The following NRXN3 variants were observed in gnomAD, a reference collection of about 807,000 sequenced individuals.
NRXN3 encodes the protein neurexin III.
In NRXN3, 32 loss-of-function variants were observed where a neutral mutation model predicts 137.6. The ratio of observed to expected loss-of-function variants is 0.23; its 90% CI spans 0.18 to 0.31. NRXN3 has a LOEUF of 0.31. Among genes scored for constraint, NRXN3 ranks in the 10% least tolerant of loss-of-function variants. The pLI, the probability that NRXN3 is intolerant of heterozygous loss-of-function variation, is 1.00. For missense variants in NRXN3, 1,574 were observed against 2,062.5 expected, an observed-to-expected ratio of 0.76 and a Z score of 4.59; for synonymous variants, 798 against 784.5, an observed-to-expected ratio of 1.02 and a Z score of -0.29.
chr14:79,792,997 A>G (rs922485395), intron 19 of NRXN3, among the ~76,000 whole-genome samples: 1 of 152,050 alleles, frequency 6.6e-6, no homozygotes, highest in African/African-American at 2.4e-5. Context: ...ATTAGAGAAT[A>G]CTCTCTGGAA....
At chr14:78,637,435 C>G (rs929434381) in intron 4 of NRXN3, among the ~76,000 whole-genome samples, 3 of 152,208 alleles carry the variant, frequency 2.0e-5, no homozygotes, top group Non-Finnish European at 4.4e-5. Flanking sequence ...CCTTACTACA[C>G]TGGTAATTAT....
chr14:79,647,653 G>C (rs185020118), intron 16 of NRXN3, among the ~76,000 whole-genome samples: 1 of 135,410 alleles, frequency 7.4e-6, no homozygotes, highest in African/African-American at 2.5e-5. Flanking sequence ...ACCTCGAGCC[G>C]ACCCATCTCT....
chr14:78,229,668 C>T (rs993517040), intron 1 of NRXN3, among the ~76,000 whole-genome samples: 4 of 152,172 alleles, frequency 2.6e-5, no homozygotes, highest in African/African-American at 7.2e-5. Context: ...TGTCTATGAT[C>T]GACTCTGTGC....
At chr14:79,800,246 GA>G (rs1395904896) in intron 19 of NRXN3, among the ~76,000 whole-genome samples, 1 of 152,198 alleles carries the variant, frequency 6.6e-6, no homozygotes, top group African/African-American at 2.4e-5. Context: ...ACGTAACTAT[GA>G]ATAGAAGAGT....
chr14:79,671,453 A>T (rs763164235), intron 17 of NRXN3, among the ~76,000 whole-genome samples: 1 of 152,064 alleles, frequency 6.6e-6, no homozygotes. Flanking sequence ...TTGGGCATCT[A>T]TACATATTTG....
rs78711064 is a variant in NRXN3 at position 78,876,895 on chromosome 14, C to T, written c.2275+66551C>T. On this transcript the variant is annotated intron_variant, in intron 10 of 20. Transcript: ENST00000335750. ...TATTACTGTTTTCAGTCACTCCAGG[C>T]GAGCTATATTGTAAAAAACCATACT... Among the ~76,000 whole-genome samples the T allele has an allele frequency of 5.9e-3, 903 of 152,236 alleles. 12 individuals are homozygous for T. The highest frequency in any genetic ancestry group is 0.019 in the African/African-American group (796 of 41,558).
chr14:78,445,610 T>C (rs974973255), intron 4 of NRXN3, among the ~76,000 whole-genome samples: 5 of 152,176 alleles, frequency 3.3e-5, no homozygotes, highest in African/African-American at 1.2e-4. Flanking sequence ...AGCTTTATTA[T>C]CTTAAAGCAT....
At chr14:78,859,727 C>T (rs2099067469) in intron 10 of NRXN3, among the ~76,000 whole-genome samples, 2 of 152,002 alleles carry the variant, frequency 1.3e-5, no homozygotes, top group South Asian at 2.1e-4. Context: ...CTTAAGTACC[C>T]AATTATTATT....
chr14:78,193,948 A>G (rs2060985321), intron 1 of NRXN3, among the ~76,000 whole-genome samples: 2 of 152,024 alleles, frequency 1.3e-5, no homozygotes, highest in African/African-American at 4.8e-5. Flanking sequence ...TAGACATGGT[A>G]TCATAGTGCC....
intron 10 of NRXN3, among the ~76,000 whole-genome samples, chr14:78,866,638 T>G (rs2099087404): frequency 6.6e-6 from 1 of 151,990 alleles, no homozygotes; most frequent in South Asian, 2.1e-4. Flanking sequence ...TTCCTACTGA[T>G]AGATTAACCT....
At chr14:79,540,062 G>A (rs2097257328) in intron 16 of NRXN3, among the ~76,000 whole-genome samples, 1 of 152,084 alleles carries the variant, frequency 6.6e-6, no homozygotes, top group African/African-American at 2.4e-5. Context: ...GGCAATTACA[G>A]TTCTAATGAA....
intron 15 of NRXN3, among the ~76,000 whole-genome samples, chr14:79,414,243 T>C (rs1249230007): frequency 6.6e-6 from 1 of 152,100 alleles, no homozygotes; most frequent in Non-Finnish European, 1.5e-5. Context: ...TTATAGACAG[T>C]AAAGCAGGTC....
chr14:78,487,160 T>C (rs544855758), intron 4 of NRXN3, among the ~76,000 whole-genome samples: 1 of 152,316 alleles, frequency 6.6e-6, no homozygotes, highest in East Asian at 1.9e-4. Context: ...TTAAAGTGTT[T>C]AAATTTCTGT....
intron 16 of NRXN3, among the ~76,000 whole-genome samples, chr14:79,561,219 C>T (rs910344987): frequency 6.6e-6 from 1 of 152,058 alleles, no homozygotes; most frequent in Admixed American, 6.6e-5. Context: ...CTGTTGAATA[C>T]AACTCATAAT....
chr14:78,196,739 A>T (rs2061265849), intron 1 of NRXN3, among the ~76,000 whole-genome samples: 2 of 152,194 alleles, frequency 1.3e-5, no homozygotes, highest in Non-Finnish European at 2.9e-5. Context: ...AGGGATGAAG[A>T]TATAAAGGAG....
intron 10 of NRXN3, among the ~76,000 whole-genome samples, chr14:78,873,997 A>G (rs1206455509): frequency 6.9e-6 from 1 of 145,500 alleles, no homozygotes; most frequent in Admixed American, 6.8e-5. Context: ...TTTTTGAGAC[A>G]ATGTCTCACT....
chr14:79,474,822 GA>G (rs2096545454), intron 16 of NRXN3, among the ~76,000 whole-genome samples: 1 of 152,058 alleles, frequency 6.6e-6, no homozygotes, highest in Non-Finnish European at 1.5e-5. Flanking sequence ...GAAGAAGGAA[GA>G]GAGGGAAAGA....
intron 15 of NRXN3, among the ~76,000 whole-genome samples, chr14:78,993,174 T>A (rs2099522378): frequency 6.6e-6 from 1 of 152,224 alleles, no homozygotes; most frequent in Non-Finnish European, 1.5e-5. Context: ...GGCTATTGAT[T>A]GGCCTTTTGC....
intron 19 of NRXN3, among the ~76,000 whole-genome samples, chr14:79,757,106 C>T (rs2099022264): frequency 6.6e-6 from 1 of 152,158 alleles, no homozygotes; most frequent in African/African-American, 2.4e-5. Context: ...GGTACTTAAG[C>T]TTCCCATTTC....
Sources: allele counts gnomAD v4.1 joint callset (sites outside exome capture counted in the v4.1 genomes callset), GRCh38; gene constraint gnomAD v4.1.1; transcripts MANE v1.5; gene names NCBI Gene and HGNC (gene_info 2026-07-23, HGNC 2026-07-21).